Variants in THAP4 observed in about 807,000 individuals in gnomAD.
The protein encoded by THAP4 is THAP domain containing 4.
A neutral mutation model predicts 48.1 loss-of-function variants in THAP4; 18 were observed. The observed-to-expected ratio is 0.37, with a 90% CI of 0.26 to 0.56. The LOEUF (loss-of-function observed/expected upper bound fraction) is 0.56, where lower values mean the gene tolerates loss of function less well. THAP4 is among the 20% of genes least tolerant of loss of function. The probability of loss-of-function intolerance (pLI) is 0.78; values close to 1 mark genes in which losing one functional copy is unlikely to be tolerated. For synonymous variants in THAP4, 345 were observed against 324.9 expected (o/e 1.06, Z -0.66); for missense variants, 656 against 774.9 (o/e 0.85, Z 1.82).
rs564109634 is a variant in THAP4 at position 241,634,600 on chromosome 2, C to T, written c.78-521G>A. 6.6e-4 allele frequency among the ~76,000 whole-genome samples: 100 copies of T among 152,362 alleles called. 1 individual carries two copies. Among genetic ancestry groups the T allele is most frequent in the African/African-American group, 2.3e-3 (97 of 41,578 alleles). ...TGGAGACCTCCAGAAGACTCCAGAGCTACAGTTCTGTGTTCCTGTTGCATG... is the reference window on the plus strand; with the variant it reads ...TGGAGACCTCCAGAAGACTCCAGAGTTACAGTTCTGTGTTCCTGTTGCATG... On this transcript the variant is annotated intron_variant, in intron 1 of 5. Coordinates refer to ENST00000407315, the MANE Select transcript of THAP4 (RefSeq NM_015963.6).
chr2:241,601,679 C>CA lies in THAP4; in HGVS notation c.1614+216dup, dbSNP rs1000406964. The CA allele has an allele frequency of 1.3e-5, 10 of 788,754 alleles. No homozygotes were observed. The highest frequency in any genetic ancestry group is 1.9e-5 in the Non-Finnish European group (10 of 517,082). 48.9% of individuals were successfully genotyped at this position (788,754 alleles called of 1,614,324 possible). A position where few individuals can be genotyped will look rare whatever the true frequency, so the allele number is the denominator to read the frequency against. On this transcript the variant is annotated intron_variant, in intron 5 of 5. Transcript: ENST00000407315. The surrounding 1 kb of genome is among the most constrained non-coding windows in gnomAD (Gnocchi z 4.0). ...GATGTTTGTGACAAACAACAAACCT[C>CA]AAAAAAACCACACCACTGACCAGCC...
At position 241,616,327 on chromosome 2, in the gene THAP4, T is replaced by A. The variant is rs2067346962; in HGVS notation, c.1241-9854A>T. ...CTTGGAAGGCGACCCGTGACATCAG[T>A]GAGAAGGGCGGGTGCAGGCGCACGA... On this transcript the variant is annotated intron_variant, in intron 2 of 5. Coordinates refer to ENST00000407315, the MANE Select transcript of THAP4 (RefSeq NM_015963.6). This position sits in a 1 kb window ranked among gnomAD's most constrained non-coding sequence, Gnocchi z 4.6. 1.3e-5 allele frequency among the ~76,000 whole-genome samples: 2 copies of A among 151,502 alleles called. No homozygotes were observed. Among genetic ancestry groups the A allele is most frequent in the African/African-American group, 4.9e-5 (2 of 41,188 alleles).
In THAP4 at chr2:241,610,723, G is replaced by A. The variant is rs191570609; in HGVS notation, c.1241-4250C>T. The stretch of plus-strand genomic sequence containing the variant: ...CGTGGAGTCCTCTCCGGGAGGCCCT[G>A]TCCTCCATCCAGCGCTCCTCAGAGG... On this transcript the variant is annotated intron_variant, in intron 2 of 5. Coordinates refer to ENST00000407315, the MANE Select transcript of THAP4 (RefSeq NM_015963.6). The surrounding 1 kb of genome is among the most constrained non-coding windows in gnomAD (Gnocchi z 4.2). 3.7e-4 allele frequency among the ~76,000 whole-genome samples: 57 copies of A among 152,174 alleles called. No homozygotes were observed. The East Asian group carries it at 9.9e-3, about 26-fold the overall frequency.
Position 241,602,853 on chromosome 2 carries a change from G to C in THAP4, c.1510+117C>G. ...TCTCAACACTCAGGGCCATCCCCAC[G>C]GTCCCCACCAGCACATGCCTCAGCA... is the stretch of plus-strand genomic sequence containing the variant. On this transcript the variant is annotated intron_variant, in intron 4 of 5. Coordinates refer to ENST00000407315, the MANE Select transcript of THAP4 (RefSeq NM_015963.6). The C allele has an allele frequency of 3.8e-6, 3 of 787,922 alleles. No individual in the cohort carries two copies. The South Asian group carries it at 4.6e-5, about 12-fold the overall frequency. The allele number at this position is 787,922 out of a possible 1,614,324, so 48.8% of individuals were successfully genotyped here.
chr2:241,602,888 A>G (rs1467469499), intron 4 of THAP4, 82 bp downstream of exon 4: 11 of 1,079,148 alleles, frequency 1.0e-5, no homozygotes, highest in East Asian at 4.8e-5. Context: ...AGGGTTGCAC[A>G]TGGGCATCCC....
chr2:241,597,598 C>T (rs1304151750), intron 5 of THAP4, among the ~76,000 whole-genome samples: 1 of 152,220 alleles, frequency 6.6e-6, no homozygotes, highest in Non-Finnish European at 1.5e-5. Flanking sequence ...AGGGACAGCT[C>T]CTTTCACCCC....
intron 3 of THAP4, among the ~76,000 whole-genome samples, chr2:241,604,626 T>A (rs1364781811): frequency 6.6e-6 from 1 of 152,134 alleles, no homozygotes; most frequent in Non-Finnish European, 1.5e-5. Context: ...GCCAGGCTGG[T>A]CTCGAACTCT....
At chr2:241,611,605 T>G (rs2125084380) in intron 2 of THAP4, among the ~76,000 whole-genome samples, 1 of 151,380 alleles carries the variant, frequency 6.6e-6, no homozygotes, top group South Asian at 2.1e-4. Flanking sequence ...GTGCCTGTAG[T>G]ACCAGCTACT....
chr2:241,629,412 A>G lies in THAP4; in HGVS notation c.1240+3505T>C, dbSNP rs539885839. On this transcript the variant is annotated intron_variant, in intron 2 of 5. Coordinates refer to ENST00000407315, the MANE Select transcript of THAP4 (RefSeq NM_015963.6). The stretch of plus-strand genomic sequence containing the variant: ...CTTGAGCCCAGGAGGTCAAGGCTGC[A>G]GTGAGCTGTGATAGGACCACCACAC... 9.2e-5 allele frequency among the ~76,000 whole-genome samples: 14 copies of G among 151,936 alleles called. No individual in the cohort carries two copies. The South Asian group carries it at 2.9e-3, about 32-fold the overall frequency.
intron 5 of THAP4, among the ~76,000 whole-genome samples, chr2:241,595,224 A>T (rs1296049768): frequency 1.3e-5 from 2 of 152,124 alleles, no homozygotes; most frequent in African/African-American, 4.8e-5. Context: ...CATGTTGTCC[A>T]GGCTGGTCTC....
At position 241,637,085 on chromosome 2, in the gene THAP4, C is replaced by G; in HGVS notation, c.-68G>C. ...CCGCCCGCCCGCCCGCGGACCGCCC[C>G]GAGGGAGGGAGCGCGGCGGCGACAC... On this transcript the variant is annotated 5_prime_UTR_variant, in exon 1 of 6. Coordinates refer to ENST00000407315, the MANE Select transcript of THAP4 (RefSeq NM_015963.6). The G allele has an allele frequency of 9.6e-7, 1 of 1,041,182 alleles. No homozygotes were observed. The highest frequency in any genetic ancestry group is 1.2e-6 in the Non-Finnish European group (1 of 868,282). 64.5% of individuals were successfully genotyped at this position (1,041,182 alleles called of 1,614,324 possible). A position where few individuals can be genotyped will look rare whatever the true frequency, so the allele number is the denominator to read the frequency against.
upstream of THAP4, chr2:241,637,541 C>T (rs1417480001): frequency 1.4e-6 from 2 of 1,455,330 alleles, no homozygotes; most frequent in Admixed American, 5.5e-5. Flanking sequence ...GGGCTCGCGT[C>T]GGCCCGGCCG....
At chr2:241,631,614 C>T (rs1367993159) in intron 2 of THAP4, among the ~76,000 whole-genome samples, 1 of 152,054 alleles carries the variant, frequency 6.6e-6, no homozygotes, top group African/African-American at 2.4e-5. Flanking sequence ...CACAGGCGTG[C>T]ACCATGGTAC....
chr2:241,597,758 G>C (rs1376075362), intron 5 of THAP4, among the ~76,000 whole-genome samples: 1 of 152,146 alleles, frequency 6.6e-6, no homozygotes, highest in Non-Finnish European at 1.5e-5. Flanking sequence ...CAGCCCCTCA[G>C]GTTGTGCTTC....
At chr2:241,634,172 C>T (rs894178505) in intron 1 of THAP4, 93 bp from the exon 2 acceptor site, 2 of 950,872 alleles carry the variant, frequency 2.1e-6, no homozygotes, top group Non-Finnish European at 3.1e-6. Context: ...TTTTTGCACG[C>T]ACCCTAAGCC....
chr2:241,630,246 G>C (rs575143100), intron 2 of THAP4, among the ~76,000 whole-genome samples: 2 of 152,178 alleles, frequency 1.3e-5, no homozygotes, highest in Admixed American at 6.6e-5. Context: ...CAAAAGCAGA[G>C]AGAGGCAGAT....
At chr2:241,609,375 G>T (rs530955268) in intron 2 of THAP4, among the ~76,000 whole-genome samples, 1 of 152,246 alleles carries the variant, frequency 6.6e-6, no homozygotes, top group Non-Finnish European at 1.5e-5. Context: ...TCAGTCACCT[G>T]GGATAGCCCA....
At chr2:241,623,457 G>A (rs1173175914) in intron 2 of THAP4, among the ~76,000 whole-genome samples, 1 of 152,028 alleles carries the variant, frequency 6.6e-6, no homozygotes, top group Non-Finnish European at 1.5e-5. Flanking sequence ...GCACGCATCT[G>A]TAGTCCCACC....
chr2:241,617,620 G>A (rs113354911), intron 2 of THAP4: 101 of 649,180 alleles, frequency 1.6e-4, no homozygotes, highest in Non-Finnish European at 2.4e-4. Flanking sequence ...CCAGATCACA[G>A]AATTTCAGAG....
Sources: gnomAD v4.1 joint callset for allele counts (sites outside exome capture counted in the v4.1 genomes callset) on GRCh38, gnomAD v4.1.1 for gene constraint, Gnocchi (gnomAD v3.1) non-coding constraint, MANE v1.5 for transcripts, NCBI Gene and HGNC (gene_info 2026-07-23, HGNC 2026-07-21) for gene names.